MAMLD1: variants seen among roughly 807,000 people sequenced by gnomAD.
MAMLD1 encodes the protein mastermind like domain containing 1.
Under a neutral mutation model 45.0 loss-of-function variants are expected in MAMLD1, and 14 were observed. That is an observed-to-expected ratio of 0.31 (90% CI 0.21 to 0.49). The LOEUF is 0.49. Among genes scored for constraint, MAMLD1 ranks in the 20% least tolerant of loss-of-function variants. The pLI, the probability that MAMLD1 is intolerant of heterozygous loss-of-function variation, is 0.99. For synonymous variants in MAMLD1, 254 were observed against 247.8 expected (o/e 1.02, Z -0.24); for missense variants, 543 against 603.6 (o/e 0.90, Z 1.05).
intron 1 of MAMLD1, among the ~76,000 whole-genome samples, chrX:150,374,873 A>G (rs782436979): frequency 1.8e-5 from 2 of 111,466 alleles, no homozygotes; most frequent in South Asian, 3.8e-4. Context: ...GAGAAGGTAA[A>G]GTGGATCCTG....
chrX:150,461,834 G>A (rs1358124591), intron 2 of MAMLD1, among the ~76,000 whole-genome samples: 1 of 112,322 alleles, frequency 8.9e-6, no homozygotes, highest in East Asian at 2.8e-4. Context: ...GAAGCTTCCT[G>A]TTCTTGGAGT....
intron 6 of MAMLD1, among the ~76,000 whole-genome samples, chrX:150,506,829 T>C (rs1261438843): frequency 8.9e-6 from 1 of 112,247 alleles, no homozygotes; most frequent in Non-Finnish European, 1.9e-5. Flanking sequence ...TTGGGCTCTT[T>C]CCCCTCTCTC....
At position 150,371,661 on chromosome X, in the gene MAMLD1, C is replaced by T. The variant is rs184676123; in HGVS notation, c.-64+8131C>T. ...CCAATTGTCCCAGCTCCACCCTCAC[C>T]CCACAAGTAATGCATTTCTATTTTT... On this transcript the variant is annotated intron_variant, in intron 1 of 7. Coordinates refer to ENST00000370401, the MANE Select transcript of MAMLD1 (RefSeq NM_005491.5). Among the ~76,000 whole-genome samples, 19 of 112,014 alleles carry T rather than the reference C, an allele frequency of 1.7e-4. No individual in the cohort carries two copies. The East Asian group carries it at 5.3e-3, about 31-fold the overall frequency.
At chrX:150,506,107 TC>T (rs1446200772) in intron 6 of MAMLD1, among the ~76,000 whole-genome samples, 2 of 111,831 alleles carry the variant, frequency 1.8e-5, no homozygotes, top group Admixed American at 9.4e-5. Flanking sequence ...AAGGTTTTTT[TC>T]CTTGTGGAAT....
chrX:150,507,543 G>A (rs2148364564), intron 6 of MAMLD1, among the ~76,000 whole-genome samples: 1 of 112,227 alleles, frequency 8.9e-6, no homozygotes, highest in East Asian at 2.8e-4. Flanking sequence ...AGACCATGGA[G>A]GACCGTCGCT....
intron 1 of MAMLD1, among the ~76,000 whole-genome samples, chrX:150,370,489 A>G (rs1182762626): frequency 8.9e-6 from 1 of 111,952 alleles, no homozygotes; most frequent in South Asian, 3.7e-4. Context: ...CTGTCAGGAC[A>G]GTTAGTCAGG....
At chrX:150,394,257 C>T (rs1047372893) in intron 1 of MAMLD1, among the ~76,000 whole-genome samples, 18 of 103,108 alleles carry the variant, frequency 1.7e-4, no homozygotes, top group African/African-American at 5.3e-4. Flanking sequence ...GAGTATATTC[C>T]TGTGGGTCTA....
At chrX:150,482,833 G>T (rs2036860839) in intron 5 of MAMLD1, among the ~76,000 whole-genome samples, 1 of 112,384 alleles carries the variant, frequency 8.9e-6, no homozygotes, top group African/African-American at 3.2e-5. Context: ...TGACATTTTG[G>T]AGAAATGATA....
intron 1 of MAMLD1, among the ~76,000 whole-genome samples, chrX:150,370,574 C>G (rs782375235): frequency 9.0e-6 from 1 of 110,857 alleles, no homozygotes; most frequent in South Asian, 3.9e-4. Context: ...GGTGCATAGT[C>G]CTGTGGGGTC....
At chrX:150,467,064 G>A (rs1489504808) in intron 3 of MAMLD1, among the ~76,000 whole-genome samples, 3 of 102,987 alleles carry the variant, frequency 2.9e-5, no homozygotes, top group South Asian at 4.3e-4. Flanking sequence ...CTTGCAGTTC[G>A]AGACATCATG....
At chrX:150,420,504 G>A (rs1294217965) in intron 1 of MAMLD1, among the ~76,000 whole-genome samples, 2 of 111,931 alleles carry the variant, frequency 1.8e-5, no homozygotes, top group African/African-American at 6.5e-5. Context: ...CTTTGGAGGA[G>A]GAGAGGTGCT....
intron 5 of MAMLD1, among the ~76,000 whole-genome samples, chrX:150,475,562 G>A (rs1569564924): frequency 8.9e-6 from 1 of 112,215 alleles, no homozygotes; most frequent in Admixed American, 9.4e-5. Context: ...TCATGTCCAC[G>A]TAAGGTAAAA....
chrX:150,472,760 C>T (rs1482770961), intron 4 of MAMLD1, among the ~76,000 whole-genome samples: 2 of 111,893 alleles, frequency 1.8e-5, no homozygotes, highest in African/African-American at 6.5e-5. Flanking sequence ...TTGCTGTATT[C>T]TATTCATGAG....
At chrX:150,422,208 C>T (rs941308817) in intron 1 of MAMLD1, among the ~76,000 whole-genome samples, 4 of 112,275 alleles carry the variant, frequency 3.6e-5, no homozygotes, top group African/African-American at 1.3e-4. Flanking sequence ...ATTTATGAGG[C>T]TTCTATCCAG....
intron 1 of MAMLD1, among the ~76,000 whole-genome samples, chrX:150,407,835 A>G (rs1352932805): frequency 8.9e-6 from 1 of 112,702 alleles, no homozygotes; most frequent in African/African-American, 3.2e-5. Context: ...CTGTTAGCAC[A>G]TAGAGGTTAG....
chrX:150,370,809 A>C (rs2031921042), intron 1 of MAMLD1, among the ~76,000 whole-genome samples: 1 of 112,056 alleles, frequency 8.9e-6, no homozygotes, highest in African/African-American at 3.2e-5. Flanking sequence ...ATCAGATATG[A>C]AACAGTTCAA....
At chrX:150,473,934 C>A in intron 5 of MAMLD1, 132 bp downstream of exon 5, 2 of 705,254 alleles carry the variant, frequency 2.8e-6, no homozygotes, top group South Asian at 2.2e-5. Flanking sequence ...CATACCCAAC[C>A]AATTACCTAG....
chrX:150,369,864 AT>A (rs2031822994), intron 1 of MAMLD1, among the ~76,000 whole-genome samples: 1 of 105,864 alleles, frequency 9.4e-6, no homozygotes, highest in Non-Finnish European at 1.9e-5. Flanking sequence ...TTTAAATCAC[AT>A]TTCCAACTTT....
At chrX:150,446,952 G>A (rs782742831) in intron 2 of MAMLD1, among the ~76,000 whole-genome samples, 1 of 112,308 alleles carries the variant, frequency 8.9e-6, no homozygotes, top group Non-Finnish European at 1.9e-5. Flanking sequence ...AAGTGTTGAT[G>A]GATTGTGGAT....
Sources: allele counts gnomAD v4.1 joint callset (sites outside exome capture counted in the v4.1 genomes callset), GRCh38; gene constraint gnomAD v4.1.1; transcripts MANE v1.5; gene names NCBI Gene and HGNC (gene_info 2026-07-23, HGNC 2026-07-21).